Variants in PIEZO2 observed in about 807,000 individuals in gnomAD.
PIEZO2 encodes the protein piezo type mechanosensitive ion channel component 2, also known as piezo-type mechanosensitive ion channel component 2.
PIEZO2 carries 172 observed loss-of-function variants against 337.3 expected under a neutral mutation model. The observed-to-expected ratio is 0.51, with a 90% CI of 0.45 to 0.58. The LOEUF is 0.58. Ranked by LOEUF, PIEZO2 falls within the 20% of genes least tolerant of loss-of-function variation. PIEZO2 has a pLI of 0.00. For missense variants in PIEZO2, 3,028 were observed against 3,391.3 expected, an observed-to-expected ratio of 0.89 and a Z score of 2.66; for synonymous variants, 1,251 against 1,228.5, an observed-to-expected ratio of 1.02 and a Z score of -0.38.
chr18:10,900,941 C>G (rs991578486), intron 4 of PIEZO2, among the ~76,000 whole-genome samples: 7 of 152,078 alleles, frequency 4.6e-5, no homozygotes, highest in Non-Finnish European at 8.8e-5. Flanking sequence ...TAGAAAACAA[C>G]GTTAGCATTT....
rs1171160312 is a variant in PIEZO2 at position 11,078,065 on chromosome 18, CACCA to C, written c.65-11847_65-11844del. 6.7e-6 allele frequency among the ~76,000 whole-genome samples: 1 copy of C among 150,026 alleles called. No individual in the cohort carries two copies. The highest frequency in any genetic ancestry group is 1.5e-5 in the Non-Finnish European group (1 of 67,506). On this transcript the variant is annotated intron_variant, in intron 1 of 55. Transcript: ENST00000674853. This position sits in a 1 kb window ranked among gnomAD's most constrained non-coding sequence, Gnocchi z 5.3. Reference sequence around the variant, plus strand: ...ACACACCCACACACACACACACACACACCACACACACAAAAACAAACATACACAC... The same window carrying C: ...ACACACCCACACACACACACACACACCACACACAAAAACAAACATACACAC...
intron 2 of PIEZO2, among the ~76,000 whole-genome samples, chr18:11,019,473 G>A (rs1403703183): frequency 6.6e-6 from 1 of 152,166 alleles, no homozygotes; most frequent in Non-Finnish European, 1.5e-5. Flanking sequence ...ACTTTCTGGT[G>A]TGGTAAACTC....
intron 11 of PIEZO2, among the ~76,000 whole-genome samples, chr18:10,797,804 G>A (rs966393017): frequency 6.6e-6 from 1 of 152,208 alleles, no homozygotes; most frequent in Non-Finnish European, 1.5e-5. Context: ...CCACCTCCTG[G>A]TGTTCATGCT....
rs2144991052 is a variant in PIEZO2, at chr18:10,899,322, G to A, written c.329+11864C>T. On this transcript the variant is annotated intron_variant, in intron 4 of 55. Coordinates refer to ENST00000674853, the MANE Select transcript of PIEZO2 (RefSeq NM_001378183.1). This position sits in a 1 kb window ranked among gnomAD's most constrained non-coding sequence, Gnocchi z 4.6. ...GTGTGTGTGTGTAGAGGTATATCAG[G>A]AAAATGAAGAATCAGGAAGAAACTG... Among the ~76,000 whole-genome samples, 1 of 152,228 alleles carries A rather than the reference G, an allele frequency of 6.6e-6. No homozygotes were observed. The highest frequency in any genetic ancestry group is 1.5e-5 in the Non-Finnish European group (1 of 68,002).
rs1409367313 is a variant in PIEZO2, at chr18:10,903,505, C to A, written c.329+7681G>T. Among the ~76,000 whole-genome samples the A allele has an allele frequency of 6.6e-6, 1 of 151,884 alleles. No individual in the cohort carries two copies. The highest frequency in any genetic ancestry group is 1.5e-5 in the Non-Finnish European group (1 of 67,984). ...ACAACATGGTGAAACCCCGTCTCTA[C>A]CAAAAATAAAAAAAATTAGCTGGGC... On this transcript the variant is annotated intron_variant, in intron 4 of 55. Transcript: ENST00000674853. This position sits in a 1 kb window ranked among gnomAD's most constrained non-coding sequence, Gnocchi z 4.1.
rs987444899 is a variant in PIEZO2, at chr18:11,083,534, T to G, written c.65-17312A>C. Among the ~76,000 whole-genome samples the G allele has an allele frequency of 6.6e-6, 1 of 152,122 alleles. No homozygotes were observed. Among genetic ancestry groups the G allele is most frequent in the African/African-American group, 2.4e-5 (1 of 41,420 alleles). On this transcript the variant is annotated intron_variant, in intron 1 of 55. Transcript: ENST00000674853. This position sits in a 1 kb window ranked among gnomAD's most constrained non-coding sequence, Gnocchi z 4.4. ...AGCCTGTACACAAAGGGGGAGCCAC[T>G]CAGGTGGTGCCAGCCCTGCAGGGCA...
At chr18:11,085,571 G>A (rs1241775537) in intron 1 of PIEZO2, among the ~76,000 whole-genome samples, 2 of 151,984 alleles carry the variant, frequency 1.3e-5, no homozygotes, top group Non-Finnish European at 2.9e-5. Context: ...GTACACACAG[G>A]TTTTAGTGTT....
At chr18:11,113,721 C>A (rs756743065) in intron 1 of PIEZO2, among the ~76,000 whole-genome samples, 1 of 152,190 alleles carries the variant, frequency 6.6e-6, no homozygotes, top group Non-Finnish European at 1.5e-5. Context: ...CAAATATTAG[C>A]AAGTAAGTCA....
rs573295449 is a variant in PIEZO2 at position 11,127,184 on chromosome 18, G to C, written c.64+21341C>G. Reference sequence around the variant, plus strand: ...TTGTGACGGTGAGTGACCAGGATCAGGTGTTTGAGGGGTGCGGAAAGAGGT... The same window carrying C: ...TTGTGACGGTGAGTGACCAGGATCACGTGTTTGAGGGGTGCGGAAAGAGGT... On this transcript the variant is annotated intron_variant, in intron 1 of 55. Coordinates refer to ENST00000674853, the MANE Select transcript of PIEZO2 (RefSeq NM_001378183.1). The surrounding 1 kb of genome is among the most constrained non-coding windows in gnomAD (Gnocchi z 4.5). Among the ~76,000 whole-genome samples, 7 of 152,292 alleles carry C rather than the reference G, an allele frequency of 4.6e-5. No individual in the cohort carries two copies. In the East Asian group the frequency reaches 9.6e-4, roughly 21 times the overall value.
At chr18:10,796,239 AG>A (rs2039593639) in intron 12 of PIEZO2, among the ~76,000 whole-genome samples, 1 of 151,576 alleles carries the variant, frequency 6.6e-6, no homozygotes, top group Non-Finnish European at 1.5e-5. Flanking sequence ...GCGTGGTGGC[AG>A]GCGCCTGTAG....
rs572934577 is a variant in PIEZO2, at chr18:10,855,217, C to T, written c.917+136G>A. The T allele has an allele frequency of 2.3e-5, 17 of 739,854 alleles. No individual in the cohort carries two copies. The highest frequency in any genetic ancestry group is 1.4e-4 in the East Asian group (5 of 36,994). 45.8% of individuals were successfully genotyped at this position (739,854 alleles called of 1,614,324 possible). A position where few individuals can be genotyped will look rare whatever the true frequency, so the allele number is the denominator to read the frequency against. ...TGAAAGTGCTAGACTGCTTCACCCA[C>T]CCCCACAAAATCTTTGCTTAACACA... On this transcript the variant is annotated intron_variant, in intron 7 of 55. Coordinates refer to ENST00000674853, the MANE Select transcript of PIEZO2 (RefSeq NM_001378183.1). This position sits in a 1 kb window ranked among gnomAD's most constrained non-coding sequence, Gnocchi z 4.9.
At chr18:10,789,650 T>G (rs965233412) in intron 14 of PIEZO2, among the ~76,000 whole-genome samples, 1 of 152,190 alleles carries the variant, frequency 6.6e-6, no homozygotes, top group Non-Finnish European at 1.5e-5. Context: ...TTAAGTACTG[T>G]GAGATGTAAA....
At chr18:10,849,400 C>T (rs1039728343) in intron 7 of PIEZO2, among the ~76,000 whole-genome samples, 1 of 143,786 alleles carries the variant, frequency 7.0e-6, no homozygotes, top group South Asian at 2.1e-4. Context: ...TGGCTTTTAA[C>T]TGAAAGCACC....
At chr18:10,893,929 G>A (rs1009888559) in intron 4 of PIEZO2, among the ~76,000 whole-genome samples, 1 of 152,194 alleles carries the variant, frequency 6.6e-6, no homozygotes, top group Non-Finnish European at 1.5e-5. Context: ...TAGCTAGTCA[G>A]GCATGAGTGA....
intron 2 of PIEZO2, among the ~76,000 whole-genome samples, chr18:11,012,238 C>T (rs368316079): frequency 3.3e-5 from 5 of 152,188 alleles, no homozygotes; most frequent in African/African-American, 1.2e-4. Context: ...TCCATTATGA[C>T]ATCTAAATAT....
chr18:10,793,423 C>T (rs1014086048), intron 13 of PIEZO2, among the ~76,000 whole-genome samples: 2 of 152,016 alleles, frequency 1.3e-5, no homozygotes, highest in Admixed American at 6.6e-5. Context: ...TTTTTTTCCA[C>T]GAGTAACAAA....
chr18:10,671,410 A>G lies in PIEZO2; in HGVS notation c.*117T>C, dbSNP rs536918503. 3.5e-5 allele frequency: 40 copies of G among 1,139,620 alleles called. No homozygotes were observed. In the East Asian group the frequency reaches 5.4e-4, roughly 15 times the overall value. 70.6% of individuals were successfully genotyped at this position (1,139,620 alleles called of 1,614,324 possible). A position where few individuals can be genotyped will look rare whatever the true frequency, so the allele number is the denominator to read the frequency against. On this transcript the variant is annotated 3_prime_UTR_variant, in exon 56 of 56. Coordinates refer to ENST00000674853, the MANE Select transcript of PIEZO2 (RefSeq NM_001378183.1). ...GGATATCAGCTCCTTTTGTCTACCT[A>G]TCAGAAGAGAAACAAACCATTTCCG...
At chr18:10,902,868 T>A (rs933760825) in intron 4 of PIEZO2, among the ~76,000 whole-genome samples, 4 of 152,120 alleles carry the variant, frequency 2.6e-5, no homozygotes, top group African/African-American at 7.2e-5. Flanking sequence ...AAAGAATGCA[T>A]TGCTCGTGGG....
rs2042173069 is a variant in PIEZO2 at position 10,872,910 on chromosome 18, G to T, written c.330-1495C>A. 6.6e-6 allele frequency among the ~76,000 whole-genome samples: 1 copy of T among 152,110 alleles called. No individual in the cohort carries two copies. The highest frequency in any genetic ancestry group is 6.6e-5 in the Admixed American group (1 of 15,258). Reference sequence around the variant, plus strand: ...CTGTACCAGCATTAAAACTTCTGGGGAAGATAAGATGATCCATGGAAAAAT... The same window carrying T: ...CTGTACCAGCATTAAAACTTCTGGGTAAGATAAGATGATCCATGGAAAAAT... On this transcript the variant is annotated intron_variant, in intron 4 of 55. Coordinates refer to ENST00000674853, the MANE Select transcript of PIEZO2 (RefSeq NM_001378183.1). This position sits in a 1 kb window ranked among gnomAD's most constrained non-coding sequence, Gnocchi z 4.3.
Sources: gnomAD v4.1 joint callset for allele counts (sites outside exome capture counted in the v4.1 genomes callset) on GRCh38, gnomAD v4.1.1 for gene constraint, Gnocchi (gnomAD v3.1) non-coding constraint, MANE v1.5 for transcripts, NCBI Gene and HGNC (gene_info 2026-07-23, HGNC 2026-07-21) for gene names.